COLEC11: variants seen among roughly 807,000 people sequenced by gnomAD.
COLEC11 encodes collectin-11.
A neutral mutation model predicts 27.3 loss-of-function variants in COLEC11; 20 were observed. The ratio of observed to expected loss-of-function variants is 0.73; its 90% CI spans 0.51 to 1.06. The LOEUF (loss-of-function observed/expected upper bound fraction) is 1.06. Among genes scored for constraint, COLEC11 ranks in the 50% least tolerant of loss-of-function variants. The probability of loss-of-function intolerance (pLI) is 0.00; values close to 1 mark genes in which losing one functional copy is unlikely to be tolerated. For missense variants in COLEC11, 310 were observed against 383.0 expected, an observed-to-expected ratio of 0.81 and a Z score of 1.59; for synonymous variants, 163 against 154.7, an observed-to-expected ratio of 1.05 and a Z score of -0.40.
Position 3,644,281 on chromosome 2 carries a change from A to C in COLEC11, c.*163A>C, listed in dbSNP as rs1666110798. The stretch of plus-strand genomic sequence containing the variant: ...TAAACTGAGAAAATGGCCTATGCTT[A>C]AGAGGAAAATGAAAGTGTTCCTGGG... On this transcript the variant is annotated 3_prime_UTR_variant, in exon 7 of 7. Transcript: ENST00000349077. The C allele has an allele frequency of 2.3e-6, 2 of 883,006 alleles. No homozygotes were observed. Among genetic ancestry groups the C allele is most frequent in the Non-Finnish European group, 3.6e-6 (2 of 551,246 alleles). 54.7% of individuals were successfully genotyped at this position (883,006 alleles called of 1,614,324 possible).
intron 1 of COLEC11, among the ~76,000 whole-genome samples, chr2:3,600,213 T>G (rs989638544): frequency 7.3e-6 from 1 of 137,040 alleles, no homozygotes; most frequent in African/African-American, 2.8e-5. Context: ...CCAGCCTGGG[T>G]GACAGTGCGA....
At chr2:3,623,937 C>G (rs770714732) in intron 3 of COLEC11, among the ~76,000 whole-genome samples, 3 of 152,202 alleles carry the variant, frequency 2.0e-5, no homozygotes, top group Non-Finnish European at 4.4e-5. Flanking sequence ...GTCACCTCCT[C>G]TAGTCTTTAT....
rs192257628 is a variant in COLEC11, at chr2:3,613,476, A to T, written c.202+94A>T. The stretch of plus-strand genomic sequence containing the variant: ...GGGGAGGTGGGGGTGGTGGTTCCAG[A>T]GAGGACAGGCCCTGCCCTCTGGGTC... On this transcript the variant is annotated intron_variant, in intron 3 of 6. Coordinates refer to ENST00000349077, the MANE Select transcript of COLEC11 (RefSeq NM_024027.5). 5.0e-3 allele frequency: 6,719 copies of T among 1,339,906 alleles called. 223 individuals carry two copies. In the African/African-American group the frequency reaches 0.079, roughly 16 times the overall value. 83.0% of individuals were successfully genotyped at this position (1,339,906 alleles called of 1,614,324 possible). A position where few individuals can be genotyped will look rare whatever the true frequency, so the allele number is the denominator to read the frequency against.
In COLEC11 at chr2:3,613,333, C is replaced by G; in HGVS notation, c.153C>G (p.Asp51Glu). 6.2e-7 allele frequency: 1 copy of G among 1,610,658 alleles called. No individual in the cohort carries two copies. The highest frequency in any genetic ancestry group is 8.5e-7 in the Non-Finnish European group (1 of 1,178,642). Reference protein sequence around the residue: ...GLKGDAGEKGDKGAPGRPGRV... With the variant: ...GLKGDAGEKGEKGAPGRPGRV... ...CAGGGGATGCGGGAGAGAAGGGAGA[C>G]AAAGGCGCCCCCGGACGGCCTGGAA... Residue 51 changes from aspartate (D) to glutamate (E), a missense_variant, in exon 3 of 7, where the codon GAC (aspartate) becomes GAG (glutamate). By Grantham distance (45) the Asp-to-Glu change is conservative (BLOSUM62 2). Transcript: ENST00000349077.
At chr2:3,606,371 T>A in intron 2 of COLEC11, 1 of 802,082 alleles carries the variant, frequency 1.2e-6, no homozygotes, top group Non-Finnish European at 2.0e-6. Context: ...GGATGTGCTG[T>A]CATTTCCCAC....
At chr2:3,627,800 G>T (rs1664671711) in intron 3 of COLEC11, among the ~76,000 whole-genome samples, 1 of 151,716 alleles carries the variant, frequency 6.6e-6, no homozygotes, top group African/African-American at 2.4e-5. Flanking sequence ...ACGATGCTGG[G>T]CACAATGCTG....
chr2:3,603,659 G>A (rs1331740597), intron 1 of COLEC11: 3 of 1,551,090 alleles, frequency 1.9e-6, no homozygotes, highest in South Asian at 1.2e-5. Flanking sequence ...AAGAAACAAA[G>A]AGGTCAGCAC....
At chr2:3,598,448 G>A (rs1214211103) in intron 1 of COLEC11, among the ~76,000 whole-genome samples, 1 of 152,234 alleles carries the variant, frequency 6.6e-6, no homozygotes, top group Non-Finnish European at 1.5e-5. Flanking sequence ...TCATTCACTT[G>A]TTCACTCAGT....
At chr2:3,609,177 A>G (rs1302581387) in intron 2 of COLEC11, among the ~76,000 whole-genome samples, 2 of 152,204 alleles carry the variant, frequency 1.3e-5, no homozygotes, top group African/African-American at 4.8e-5. Context: ...GCTGAGAGAT[A>G]TAAAGAAAAC....
chr2:3,629,563 T>C (rs775149063), intron 3 of COLEC11, among the ~76,000 whole-genome samples: 12 of 152,250 alleles, frequency 7.9e-5, no homozygotes, highest in Non-Finnish European at 1.6e-4. Context: ...TATGTATATA[T>C]GTGCATGCAT....
At chr2:3,618,050 G>C (rs971288048) in intron 3 of COLEC11, among the ~76,000 whole-genome samples, 1 of 151,942 alleles carries the variant, frequency 6.6e-6, no homozygotes, top group Admixed American at 6.6e-5. Context: ...TTTGTTTTTC[G>C]GCTATTGAGT....
rs149723794 is a variant in COLEC11, at chr2:3,624,360, G to T, written c.202+10978G>T. ...AAGGCGTCTCCATCAGCTTGTTGGG[G>T]GGCTTCCTAATAAAATCTGCAGAGC... On this transcript the variant is annotated intron_variant, in intron 3 of 6. Transcript: ENST00000349077. Among the ~76,000 whole-genome samples the T allele has an allele frequency of 8.2e-3, 1,242 of 152,242 alleles. 11 individuals are homozygous for T. The highest frequency in any genetic ancestry group is 0.058 in the Middle Eastern group (17 of 294).
chr2:3,604,737 T>C lies in COLEC11; in HGVS notation c.130+267T>C, dbSNP rs1662504054. ...GGGACCTTGCTGGAAGGCACCTGGC[T>C]TTCCGTCAGACCCTGCACACATGGC... On this transcript the variant is annotated intron_variant, in intron 2 of 6. Transcript: ENST00000349077. 2.0e-5 allele frequency among the ~76,000 whole-genome samples: 3 copies of C among 152,164 alleles called. No individual in the cohort carries two copies. In the South Asian group the frequency reaches 6.2e-4, roughly 32 times the overall value.
At chr2:3,619,169 C>A (rs544851179) in intron 3 of COLEC11, among the ~76,000 whole-genome samples, 1 of 151,534 alleles carries the variant, frequency 6.6e-6, no homozygotes, top group South Asian at 2.1e-4. Flanking sequence ...TTCTTTCCCG[C>A]CTCCCTCCCT....
intron 3 of COLEC11, among the ~76,000 whole-genome samples, chr2:3,627,139 G>A (rs1664614804): frequency 6.6e-6 from 1 of 152,160 alleles, no homozygotes; most frequent in Admixed American, 6.5e-5. Context: ...AGACTCACCT[G>A]GAGAAAAACA....
chr2:3,623,164 T>G (rs1269864604), intron 3 of COLEC11, among the ~76,000 whole-genome samples: 1 of 152,240 alleles, frequency 6.6e-6, no homozygotes, highest in African/African-American at 2.4e-5. Context: ...GATAGCCTTA[T>G]GAGGGTTCTC....
chr2:3,631,832 G>A (rs1210557550), intron 3 of COLEC11, among the ~76,000 whole-genome samples: 1 of 152,290 alleles, frequency 6.6e-6, no homozygotes, highest in East Asian at 1.9e-4. Context: ...CTTGGGAGTA[G>A]GGCACTGCTT....
intron 2 of COLEC11, chr2:3,605,944 G>T (rs1662655590): frequency 1.0e-6 from 1 of 984,770 alleles, no homozygotes; most frequent in South Asian, 1.6e-5. Flanking sequence ...CTGCAGCCCA[G>T]ACAAGCCCAG....
At chr2:3,603,900 G>GT in intron 1 of COLEC11, 1 of 587,586 alleles carries the variant, frequency 1.7e-6, no homozygotes, top group Non-Finnish European at 3.0e-6. Context: ...CGCCTTGGCT[G>GT]TTTCCTTTAG....
Sources: gnomAD v4.1 joint callset for allele counts (sites outside exome capture counted in the v4.1 genomes callset) on GRCh38, gnomAD v4.1.1 for gene constraint, MANE v1.5 for transcripts, NCBI Gene and HGNC (gene_info 2026-07-23, HGNC 2026-07-21) for gene names.